Variants in TTI1 observed in about 807,000 individuals in gnomAD.
TTI1 encodes the protein TELO2-interacting protein 1 homolog.
Under a neutral mutation model 85.4 loss-of-function variants are expected in TTI1, and 52 were observed. The ratio of observed to expected loss-of-function variants is 0.61; its 90% confidence interval spans 0.49 to 0.77. The LOEUF (loss-of-function observed/expected upper bound fraction) is 0.77, where lower values mean the gene tolerates loss of function less well. TTI1 is among the 30% of genes least tolerant of loss of function. The pLI is 0.00. For missense variants in TTI1, 1,173 were observed against 1,296.0 expected (o/e 0.91, Z 1.46); for synonymous variants, 512 against 503.9 (o/e 1.02, Z -0.22).
At chr20:38,023,057 T>C (rs1259258693) in intron 1 of TTI1, among the ~76,000 whole-genome samples, 2 of 152,186 alleles carry the variant, frequency 1.3e-5, no homozygotes, top group Admixed American at 6.5e-5. Flanking sequence ...GAATCGCCAA[T>C]ACAAGTTCTT....
intron 4 of TTI1, among the ~76,000 whole-genome samples, chr20:38,001,648 T>C (rs1366623498): frequency 6.6e-6 from 1 of 152,044 alleles, no homozygotes; most frequent in Non-Finnish European, 1.5e-5. Flanking sequence ...CAGGGTTTCC[T>C]AGCCCATCAC....
At chr20:38,026,061 G>T (rs1180253838) in intron 1 of TTI1, among the ~76,000 whole-genome samples, 1 of 152,160 alleles carries the variant, frequency 6.6e-6, no homozygotes, top group African/African-American at 2.4e-5. Context: ...GAACCCCAAA[G>T]AAATTTATCC....
At chr20:37,996,040 C>G (rs2073333199) in intron 7 of TTI1, among the ~76,000 whole-genome samples, 1 of 152,144 alleles carries the variant, frequency 6.6e-6, no homozygotes, top group Admixed American at 6.5e-5. Flanking sequence ...GTTGAAGAAG[C>G]CAAGGCATGA....
At chr20:37,984,220 G>T (rs557320745) in intron 7 of TTI1, among the ~76,000 whole-genome samples, 4 of 152,348 alleles carry the variant, frequency 2.6e-5, no homozygotes, top group South Asian at 4.1e-4. Flanking sequence ...TCCCCACAGG[G>T]ATCAGATCCA....
At chr20:37,999,094 T>A in intron 5 of TTI1, 94 bp downstream of exon 5, 1 of 1,262,086 alleles carries the variant, frequency 7.9e-7, no homozygotes, top group Non-Finnish European at 1.0e-6. Context: ...GACATTGCAA[T>A]CGGGTGAAGA....
intron 2 of TTI1, among the ~76,000 whole-genome samples, chr20:38,010,604 G>C (rs992153674): frequency 2.0e-5 from 3 of 151,400 alleles, no homozygotes; most frequent in Non-Finnish European, 4.4e-5. Flanking sequence ...CCAAGTAGCT[G>C]GGACTACAGG....
At chr20:38,032,823 G>C (rs561695948) in intron 1 of TTI1, among the ~76,000 whole-genome samples, 16 of 151,956 alleles carry the variant, frequency 1.1e-4, no homozygotes, top group African/African-American at 3.2e-4. Context: ...GGGATTACAA[G>C]CAAGAGACGT....
intron 3 of TTI1, among the ~76,000 whole-genome samples, chr20:38,005,674 A>G (rs1199698110): frequency 6.6e-6 from 1 of 152,192 alleles, no homozygotes. Flanking sequence ...TGCCGAAGGA[A>G]AAGTATAAAT....
At position 38,012,737 on chromosome 20, in the gene TTI1, A is replaced by T. The variant is rs778433639; in HGVS notation, c.1080T>A (p.Asp360Glu). Residue 360 changes from aspartate (D) to glutamate (E), a missense_variant, in exon 2 of 8, where the codon GAT (aspartate) becomes GAA (glutamate). Transcript: ENST00000373447. Reference protein sequence around the residue: ...QCNKVLRHFADQKVVVGNKAL... With the variant: ...QCNKVLRHFAEQKVVVGNKAL... ...CTTTGTTGCCCACCACTACTTTTTG[A>T]TCTGCAAAATGTCTCAGAACTTTAT... is the stretch of plus-strand genomic sequence containing the variant. The T allele has an allele frequency of 4.3e-6, 7 of 1,614,188 alleles. No individual in the cohort carries two copies. Among genetic ancestry groups the T allele is most frequent in the Non-Finnish European group, 5.9e-6 (7 of 1,180,042 alleles).
chr20:38,029,023 G>A (rs1282364901), intron 1 of TTI1, among the ~76,000 whole-genome samples: 1 of 151,994 alleles, frequency 6.6e-6, no homozygotes, highest in African/African-American at 2.4e-5. Context: ...CTTTTCAAGT[G>A]CTCATAGAAC....
chr20:37,985,069 T>A lies in TTI1; in HGVS notation c.3087-1430A>T, dbSNP rs994860693. 6.6e-5 allele frequency among the ~76,000 whole-genome samples: 10 copies of A among 152,306 alleles called. No individual in the cohort carries two copies. The East Asian group carries it at 1.9e-3, about 29-fold the overall frequency. On this transcript the variant is annotated intron_variant, in intron 7 of 7. Coordinates refer to ENST00000373447, the MANE Select transcript of TTI1 (RefSeq NM_001303457.2). ...ACCAAGGAAGGAACAAGGAAGATTA[T>A]TAACAGGATTCAAATTATCAGAGGC...
intron 7 of TTI1, among the ~76,000 whole-genome samples, chr20:37,985,823 G>A (rs759063051): frequency 2.0e-5 from 3 of 152,016 alleles, no homozygotes; most frequent in Non-Finnish European, 4.4e-5. Context: ...ACCGGGCCCG[G>A]CCTACTGAAT....
At chr20:38,011,425 C>T (rs977734747) in intron 2 of TTI1, 90 bp downstream of exon 2, 3 of 1,447,028 alleles carry the variant, frequency 2.1e-6, no homozygotes, top group Non-Finnish European at 2.8e-6. Flanking sequence ...CATAGCATCA[C>T]CACAAACAAT....
intron 1 of TTI1, among the ~76,000 whole-genome samples, chr20:38,030,139 T>G (rs952537197): frequency 6.6e-5 from 10 of 152,116 alleles, no homozygotes; most frequent in African/African-American, 2.4e-4. Context: ...GGAAAGAGAT[T>G]ATTTTAACAG....
chr20:38,012,368 T>A lies in TTI1; in HGVS notation c.1449A>T (p.Arg483Ser), dbSNP rs772638415. ...RRYFRFFTDE[R>S]IFMLLRQVCQ... ...AAACCTGCCTCAAGAGCATGAAGAT[T>A]CTCTCATCAGTGAAGAAGCGGAAAT... The change falls in exon 2 of 8, where the codon AGA becomes AGT. Residue 483 changes from arginine to serine, a missense_variant. Transcript: ENST00000373447. 3.0e-5 allele frequency: 49 copies of A among 1,614,076 alleles called. No individual in the cohort carries two copies. The highest frequency in any genetic ancestry group is 4.0e-5 in the Non-Finnish European group (47 of 1,180,046).
chr20:38,032,246 T>C lies in TTI1; in HGVS notation c.-42+1158A>G, dbSNP rs530368630. Reference sequence around the variant, plus strand: ...GTTGTGAGGATTAAATGAGTTACTGTGTGGGAATTGTGTCTAGCACATAGT... The same window carrying C: ...GTTGTGAGGATTAAATGAGTTACTGCGTGGGAATTGTGTCTAGCACATAGT... On this transcript the variant is annotated intron_variant, in intron 1 of 7. Transcript: ENST00000373447. 2.6e-5 allele frequency among the ~76,000 whole-genome samples: 4 copies of C among 152,350 alleles called. No homozygotes were observed. In the East Asian group the frequency reaches 7.7e-4, roughly 29 times the overall value.
intron 2 of TTI1, among the ~76,000 whole-genome samples, chr20:38,007,598 C>T (rs2073520099): frequency 1.3e-5 from 2 of 152,204 alleles, no homozygotes; most frequent in Admixed American, 1.3e-4. Context: ...AATAAAACAA[C>T]AACAACAACA....
intron 1 of TTI1, 133 bp from the exon 2 acceptor site, chr20:38,013,990 T>G: frequency 1.2e-6 from 1 of 835,462 alleles, no homozygotes. Context: ...AGGGGTGCAA[T>G]GAAACTGAGC....
chr20:38,029,711 G>C (rs149165432), intron 1 of TTI1, among the ~76,000 whole-genome samples: 1 of 152,152 alleles, frequency 6.6e-6, no homozygotes, highest in African/African-American at 2.4e-5. Flanking sequence ...TTGAATATCC[G>C]TCCCTTCCAA....
Sources: gnomAD v4.1 joint callset for allele counts (sites outside exome capture counted in the v4.1 genomes callset) on GRCh38, gnomAD v4.1.1 for gene constraint, MANE v1.5 for transcripts, NCBI Gene and HGNC (gene_info 2026-07-23, HGNC 2026-07-21) for gene names.